The following GRK7 variants were observed in gnomAD, a reference collection of about 807,000 sequenced individuals.
GRK7 encodes rhodopsin kinase GRK7.
GRK7 carries 24 observed loss-of-function variants against 34.1 expected under a neutral mutation model. That is an observed-to-expected ratio of 0.70 (90% CI 0.51 to 0.99). GRK7 has a LOEUF of 0.99. Ranked by LOEUF, GRK7 falls within the 50% of genes least tolerant of loss-of-function variation. GRK7 has a pLI of 0.00. For missense variants in GRK7, 644 were observed against 707.3 expected, an observed-to-expected ratio of 0.91 and a Z score of 1.02; for synonymous variants, 256 against 279.4, an observed-to-expected ratio of 0.92 and a Z score of 0.84.
At chr3:141,790,843 C>T (rs963698484) in intron 4 of GRK7, among the ~76,000 whole-genome samples, 10 of 152,324 alleles carry the variant, frequency 6.6e-5, no homozygotes, top group African/African-American at 1.7e-4. Context: ...GGATTACAGG[C>T]GTAAGCCACC....
chr3:141,801,951 C>T (rs1710973515), intron 4 of GRK7, among the ~76,000 whole-genome samples: 1 of 151,770 alleles, frequency 6.6e-6, no homozygotes, highest in Admixed American at 6.6e-5. Flanking sequence ...CCCCTATGCC[C>T]CTCAAAAAGA....
At chr3:141,766,778 A>G (rs1215470182) in intron 1 of GRK7, among the ~76,000 whole-genome samples, 4 of 152,194 alleles carry the variant, frequency 2.6e-5, no homozygotes, top group Non-Finnish European at 4.4e-5. Flanking sequence ...GGTCTTCTCT[A>G]ATAATCTATG....
At chr3:141,770,397 AAAGT>A (rs1391320664) in intron 1 of GRK7, among the ~76,000 whole-genome samples, 1 of 152,194 alleles carries the variant, frequency 6.6e-6, no homozygotes, top group African/African-American at 2.4e-5. Context: ...GACCAGAAAA[AAAGT>A]AAGTGCTAGA....
chr3:141,751,567 A>G, the GRK7 span, among the ~76,000 whole-genome samples: 2 of 152,324 alleles, frequency 1.3e-5, no homozygotes, highest in South Asian at 2.1e-4. Context: ...ATCTGTTTCT[A>G]TTGTATGTAA....
At position 141,817,059 on chromosome 3, in the gene GRK7, C is replaced by T; in HGVS notation, c.*9C>T. ...TGTGTTTGTTATTGTAAATTGCTCT[C>T]TTTACCAGACAGGCAGCAGGAGTCT... On this transcript the variant is annotated 3_prime_UTR_variant, in exon 6 of 6. Coordinates refer to ENST00000682958, the MANE Select transcript of GRK7 (RefSeq NM_139209.3). 9 of 1,565,374 alleles carry T rather than the reference C, an allele frequency of 5.7e-6. No individual in the cohort carries two copies. The highest frequency in any genetic ancestry group is 6.9e-6 in the Non-Finnish European group (8 of 1,158,422).
chr3:141,778,666 C>G lies in GRK7; in HGVS notation c.382C>G (p.Gln128Glu), dbSNP rs145262857. ...APGNPQPFLS[Q>E]AVATKCQAAT... ...GGGGAACCCGCAACCCTTCCTCAGCCAGGCCGTGGCCACCAAGTGCCAAGC... is the reference window on the plus strand; with the variant it reads ...GGGGAACCCGCAACCCTTCCTCAGCGAGGCCGTGGCCACCAAGTGCCAAGC... Residue 128 changes from glutamine (Q) to glutamate (E), a missense_variant, in exon 3 of 6, where the codon CAG becomes GAG. Transcript: ENST00000682958. The surrounding 1 kb of genome is among the most constrained non-coding windows in gnomAD (Gnocchi z 4.1). 7.6e-5 allele frequency: 123 copies of G among 1,613,470 alleles called. No individual in the cohort carries two copies. The highest frequency in any genetic ancestry group is 1.0e-4 in the Non-Finnish European group (118 of 1,179,802).
rs755084843 is a variant in GRK7 at position 141,780,370 on chromosome 3, T to C, written c.613-4T>C. 19 of 1,612,618 alleles carry C rather than the reference T, an allele frequency of 1.2e-5. No individual in the cohort carries two copies. Among genetic ancestry groups the C allele is most frequent in the Non-Finnish European group, 1.6e-5 (19 of 1,179,188 alleles). ...TCTTTCTCTTCTTTTCTTTCTCCTT[T>C]AAGGTATGTGCCGTCCAGGTGAAAA... On this transcript the variant is annotated splice_polypyrimidine_tract_variant and splice_region_variant and intron_variant, in intron 3 of 5. Coordinates refer to ENST00000682958, the MANE Select transcript of GRK7 (RefSeq NM_139209.3).
At chr3:141,763,006 A>T (rs1316082108), upstream of GRK7, among the ~76,000 whole-genome samples, 1 of 152,168 alleles carries the variant, frequency 6.6e-6, no homozygotes, top group East Asian at 1.9e-4. Flanking sequence ...GCGCGCACCC[A>T]CTGGCCTGCG....
intron 4 of GRK7, among the ~76,000 whole-genome samples, chr3:141,791,941 T>G (rs112715354): frequency 0.011 from 1,609 of 142,090 alleles, 22 homozygotes; most frequent in African/African-American, 0.041. Flanking sequence ...GAGGCGGAGG[T>G]TGTAGTGAGC....
chr3:141,810,757 C>T (rs1345305900), intron 5 of GRK7, among the ~76,000 whole-genome samples: 6 of 152,136 alleles, frequency 3.9e-5, no homozygotes, highest in Non-Finnish European at 8.8e-5. Flanking sequence ...ACTTCACACA[C>T]GGTTCTGTTG....
At chr3:141,762,343 CT>C (rs2084558903), upstream of GRK7, among the ~76,000 whole-genome samples, 1 of 148,786 alleles carries the variant, frequency 6.7e-6, no homozygotes, top group African/African-American at 2.5e-5. Flanking sequence ...AGACAGGACC[CT>C]CAGCTGCAGG....
At chr3:141,784,074 T>A (rs2084684528) in intron 4 of GRK7, among the ~76,000 whole-genome samples, 1 of 152,204 alleles carries the variant, frequency 6.6e-6, no homozygotes, top group South Asian at 2.1e-4. Flanking sequence ...TATCTCGACC[T>A]TGCTGGAGGC....
At chr3:141,767,620 C>G (rs1559837768) in intron 1 of GRK7, among the ~76,000 whole-genome samples, 1 of 152,042 alleles carries the variant, frequency 6.6e-6, no homozygotes, top group East Asian at 1.9e-4. Flanking sequence ...AGACTAGTCT[C>G]AAACTCCTGA....
chr3:141,799,881 C>T lies in GRK7; in HGVS notation c.1051-7764C>T, dbSNP rs113192285. On this transcript the variant is annotated intron_variant, in intron 4 of 5. Transcript: ENST00000682958. ...TGTTCATGGCAAGGTATGTTGTCCA[C>T]TTTCACCCTACACCTTCTACCGAGC... 1.8e-3 allele frequency among the ~76,000 whole-genome samples: 269 copies of T among 152,314 alleles called. 2 individuals carry two copies. Among genetic ancestry groups the T allele is most frequent in the African/African-American group, 6.3e-3 (261 of 41,562 alleles).
At chr3:141,794,925 T>C (rs886582598) in intron 4 of GRK7, among the ~76,000 whole-genome samples, 3 of 152,058 alleles carry the variant, frequency 2.0e-5, no homozygotes, top group Non-Finnish European at 4.4e-5. Flanking sequence ...ACAAAGACCC[T>C]GAATACTAAA....
At chr3:141,752,319 A>G in the GRK7 span, among the ~76,000 whole-genome samples, 1 of 152,206 alleles carries the variant, frequency 6.6e-6, no homozygotes, top group African/African-American at 2.4e-5. Flanking sequence ...TTTACCTCAC[A>G]GAGGACATTT....
At position 141,764,120 on chromosome 3, in the gene GRK7, C is replaced by T. The variant is rs1169154174; in HGVS notation, c.-1833C>T. 6.6e-6 allele frequency among the ~76,000 whole-genome samples: 1 copy of T among 152,184 alleles called. No homozygotes were observed. The highest frequency in any genetic ancestry group is 2.4e-5 in the African/African-American group (1 of 41,432). On this transcript the variant is annotated 5_prime_UTR_variant, in exon 1 of 6. Transcript: ENST00000682958. ...AATCACTCGCTGAGTTGCTAGCTCC[C>T]AGCTCTCCATCACTACTCTTGATAA...
intron 4 of GRK7, among the ~76,000 whole-genome samples, chr3:141,800,380 TAAAAAAAAAA>T (rs5853047): frequency 3.8e-5 from 3 of 79,578 alleles, no homozygotes; most frequent in African/African-American, 1.0e-4. Context: ...TTGTCATTTG[TAAAAAAAAAA>T]AAAAAAAAAA....
At chr3:141,767,667 C>T (rs1172284428) in intron 1 of GRK7, among the ~76,000 whole-genome samples, 1 of 152,164 alleles carries the variant, frequency 6.6e-6, no homozygotes, top group African/African-American at 2.4e-5. Context: ...TCCCAAAGTA[C>T]TGGGATTACA....
Sources: gnomAD v4.1 joint callset for allele counts (sites outside exome capture counted in the v4.1 genomes callset) on GRCh38, gnomAD v4.1.1 for gene constraint, Gnocchi (gnomAD v3.1) non-coding constraint, MANE v1.5 for transcripts, NCBI Gene and HGNC (gene_info 2026-07-23, HGNC 2026-07-21) for gene names.